The following PRKCB variants were observed in gnomAD, a reference collection of about 807,000 sequenced individuals.
The protein encoded by PRKCB is protein kinase C beta, also known as protein kinase C beta type.
A neutral mutation model predicts 81.5 loss-of-function variants in PRKCB; 13 were observed. The observed-to-expected ratio is 0.16, with a 90% CI of 0.10 to 0.25. The LOEUF is 0.25. PRKCB is among the 10% of genes least tolerant of loss of function. The pLI, the probability that PRKCB is intolerant of heterozygous loss-of-function variation, is 1.00. For missense variants in PRKCB, 509 were observed against 875.7 expected (o/e 0.58, Z 5.29); for synonymous variants, 335 against 321.4 (o/e 1.04, Z -0.45).
intron 5 of PRKCB, among the ~76,000 whole-genome samples, chr16:24,045,751 A>G (rs1003602632): frequency 2.0e-5 from 3 of 152,196 alleles, no homozygotes; most frequent in East Asian, 3.9e-4. Flanking sequence ...CTGAATCAGA[A>G]TCTGCAATTT....
At chr16:24,085,654 T>G (rs1270506933) in intron 5 of PRKCB, among the ~76,000 whole-genome samples, 1 of 152,070 alleles carries the variant, frequency 6.6e-6, no homozygotes, top group Admixed American at 6.5e-5. Flanking sequence ...CTGTGTAGGT[T>G]TATGAGAATT....
chr16:24,165,861 G>T (rs1425765064), intron 10 of PRKCB, among the ~76,000 whole-genome samples: 1 of 143,464 alleles, frequency 7.0e-6, no homozygotes, highest in African/African-American at 2.6e-5. Context: ...ACTTAGTAAA[G>T]ATTTTTTTCT....
chr16:24,163,191 G>A (rs1411721764), intron 10 of PRKCB, among the ~76,000 whole-genome samples: 1 of 152,210 alleles, frequency 6.6e-6, no homozygotes, highest in Non-Finnish European at 1.5e-5. Context: ...AAAAGGGGTT[G>A]TATCTACAGG....
chr16:24,176,540 C>A (rs1967534238), intron 12 of PRKCB, among the ~76,000 whole-genome samples: 1 of 152,210 alleles, frequency 6.6e-6, no homozygotes, highest in African/African-American at 2.4e-5. Context: ...CCCTTAGTTT[C>A]TCTTTTGACT....
intron 3 of PRKCB, among the ~76,000 whole-genome samples, chr16:23,999,771 A>G (rs1165421134): frequency 6.6e-6 from 1 of 152,198 alleles, no homozygotes; most frequent in Non-Finnish European, 1.5e-5. Flanking sequence ...CAAGAAACAG[A>G]GGAGTTGTCT....
intron 1 of PRKCB, among the ~76,000 whole-genome samples, chr16:23,837,001 C>T (rs935543569): frequency 6.7e-6 from 1 of 149,770 alleles, no homozygotes; most frequent in Non-Finnish European, 1.5e-5. Context: ...CCAGAGGACA[C>T]CACCGCCGCG....
At position 23,921,440 on chromosome 16, in the gene PRKCB, G is replaced by A. The variant is rs186867632; in HGVS notation, c.206-67068G>A. On this transcript the variant is annotated intron_variant, in intron 2 of 16. Coordinates refer to ENST00000643927, the MANE Select transcript of PRKCB (RefSeq NM_002738.7). ...TTGTCCTTGAAGAGCTTTCGGTCTCGTGAGGAGACAGCCTGATCGTTATAA... is the reference window on the plus strand; with the variant it reads ...TTGTCCTTGAAGAGCTTTCGGTCTCATGAGGAGACAGCCTGATCGTTATAA... Among the ~76,000 whole-genome samples the A allele has an allele frequency of 6.6e-5, 10 of 152,310 alleles. No individual in the cohort carries two copies. The East Asian group carries it at 7.7e-4, about 12-fold the overall frequency.
At position 24,129,463 on chromosome 16, in the gene PRKCB, C is replaced by CA. The variant is rs199516637; in HGVS notation, c.1065+5491dup. On this transcript the variant is annotated intron_variant, in intron 9 of 16. Transcript: ENST00000643927. ...CCAAATGGTATATTCATAATAAATA[C>CA]AAAAAAAAACGAAGTGACTCTCTCC... Among the ~76,000 whole-genome samples the CA allele has an allele frequency of 6.9e-3, 1,041 of 150,152 alleles. 7 individuals are homozygous for CA. Among genetic ancestry groups the CA allele is most frequent in the African/African-American group, 0.02 (829 of 40,878 alleles).
At chr16:24,114,088 G>A (rs1966709661) in intron 8 of PRKCB, among the ~76,000 whole-genome samples, 1 of 151,102 alleles carries the variant, frequency 6.6e-6, no homozygotes, top group Admixed American at 6.6e-5. Flanking sequence ...GCATGGTGGT[G>A]CACGCCTGTA....
At chr16:23,949,775 C>G (rs888804522) in intron 2 of PRKCB, among the ~76,000 whole-genome samples, 1 of 152,148 alleles carries the variant, frequency 6.6e-6, no homozygotes, top group African/African-American at 2.4e-5. Flanking sequence ...GTAGTTCCAC[C>G]CAGTACTAGG....
At chr16:23,991,554 G>A (rs1274471619) in intron 3 of PRKCB, among the ~76,000 whole-genome samples, 3 of 152,134 alleles carry the variant, frequency 2.0e-5, no homozygotes, top group Non-Finnish European at 4.4e-5. Context: ...TGTTTCTGTT[G>A]CCTAAGACAG....
chr16:23,901,474 T>C (rs913482567), intron 2 of PRKCB, among the ~76,000 whole-genome samples: 5 of 152,068 alleles, frequency 3.3e-5, no homozygotes, highest in African/African-American at 1.2e-4. Flanking sequence ...GGAAACAGCT[T>C]TGAGAGCGGA....
At chr16:23,993,830 C>A (rs1220657859) in intron 3 of PRKCB, among the ~76,000 whole-genome samples, 1 of 152,164 alleles carries the variant, frequency 6.6e-6, no homozygotes, top group African/African-American at 2.4e-5. Context: ...ACTGCCTAAT[C>A]ATGGTGTTGC....
At chr16:24,131,436 G>A (rs1378547358) in intron 9 of PRKCB, among the ~76,000 whole-genome samples, 1 of 152,216 alleles carries the variant, frequency 6.6e-6, no homozygotes, top group Non-Finnish European at 1.5e-5. Context: ...TAGAAACTTG[G>A]CATTTGTGTG....
At chr16:24,072,708 A>G (rs141134270) in intron 5 of PRKCB, among the ~76,000 whole-genome samples, 2 of 152,022 alleles carry the variant, frequency 1.3e-5, no homozygotes, top group African/African-American at 2.4e-5. Context: ...CAGCCTCCCA[A>G]GTAGCTGGGA....
intron 2 of PRKCB, among the ~76,000 whole-genome samples, chr16:23,882,023 TTCCTTCCTTCCTTCCTTCCTTCC>T (rs1963128040): frequency 1.1e-5 from 1 of 93,712 alleles, no homozygotes; most frequent in African/African-American, 4.3e-5. Flanking sequence ...TCTTTCTTTC[TTCCTTCCTTCCTTCCTTCCTTCC>T]TTCCTTCCTT....
intron 2 of PRKCB, among the ~76,000 whole-genome samples, chr16:23,947,155 C>A (rs185033594): frequency 6.2e-4 from 95 of 152,304 alleles, no homozygotes; most frequent in African/African-American, 2.2e-3. Flanking sequence ...CATGCCCAGC[C>A]CATGGATCAC....
chr16:24,106,030 C>G (rs1395477263), intron 7 of PRKCB, among the ~76,000 whole-genome samples: 1 of 149,674 alleles, frequency 6.7e-6, no homozygotes, highest in African/African-American at 2.5e-5. Context: ...TATCTTAAAT[C>G]AGTGTTATAT....
intron 10 of PRKCB, among the ~76,000 whole-genome samples, chr16:24,158,452 G>A (rs1967198007): frequency 1.3e-5 from 2 of 151,940 alleles, no homozygotes; most frequent in South Asian, 4.2e-4. Flanking sequence ...TTCAGGGCCA[G>A]GATTTGAACC....
Sources: allele counts gnomAD v4.1 joint callset (sites outside exome capture counted in the v4.1 genomes callset), GRCh38; gene constraint gnomAD v4.1.1; transcripts MANE v1.5; gene names NCBI Gene and HGNC (gene_info 2026-07-23, HGNC 2026-07-21).